The following GFRAL variants were observed in gnomAD, a reference collection of about 807,000 sequenced individuals.
The protein encoded by GFRAL is GDNF family receptor alpha-like.
Under a neutral mutation model 45.4 loss-of-function variants are expected in GFRAL, and 36 were observed. The ratio of observed to expected loss-of-function variants is 0.79; its 90% CI spans 0.61 to 1.05. The LOEUF (loss-of-function observed/expected upper bound fraction) is 1.05. Among genes scored for constraint, GFRAL ranks in the 50% least tolerant of loss-of-function variants. The pLI, the probability that GFRAL is intolerant of heterozygous loss-of-function variation, is 0.00. For missense variants in GFRAL, 507 were observed against 467.5 expected, an observed-to-expected ratio of 1.08 and a Z score of -0.78; for synonymous variants, 166 against 154.1, an observed-to-expected ratio of 1.08 and a Z score of -0.57.
chr6:55,330,304 G>T (rs1306964342), intron 1 of GFRAL, among the ~76,000 whole-genome samples: 5 of 152,080 alleles, frequency 3.3e-5, no homozygotes, highest in Non-Finnish European at 7.4e-5. Context: ...GCATCACTGT[G>T]TTTGGTGACA....
intron 6 of GFRAL, 46 bp downstream of exon 6, chr6:55,359,184 A>ATCTG (rs754788727): frequency 5.3e-6 from 8 of 1,510,502 alleles, no homozygotes; most frequent in Non-Finnish European, 7.3e-6. Context: ...CTATCTATCT[A>ATCTG]TCATCTATCT....
chr6:55,399,120 C>T, intron 6 of GFRAL, 60 bp from the exon 7 acceptor site: 1 of 819,782 alleles, frequency 1.2e-6, no homozygotes, highest in Non-Finnish European at 1.9e-6. Context: ...AAATTGTAAT[C>T]CATAAAATTA....
chr6:55,395,175 A>ATAT lies in GFRAL; in HGVS notation c.953-4005_953-4004insTAT, dbSNP rs1554136792. 7.9e-4 allele frequency among the ~76,000 whole-genome samples: 97 copies of ATAT among 123,476 alleles called. 1 individual carries two copies. Among genetic ancestry groups the ATAT allele is most frequent in the Middle Eastern group, 4.2e-3 (1 of 240 alleles). 81.0% of individuals were successfully genotyped at this position (123,476 alleles called of 152,430 possible). On this transcript the variant is annotated intron_variant, in intron 6 of 8. Coordinates refer to ENST00000340465, the MANE Select transcript of GFRAL (RefSeq NM_207410.2). The stretch of plus-strand genomic sequence containing the variant: ...AATCAGCCTATGGAAAAAAAAAAAA[A>ATAT]ATATATATATATATATATAAGCCAG...
At chr6:55,385,036 G>C (rs1581758210) in intron 6 of GFRAL, among the ~76,000 whole-genome samples, 1 of 152,128 alleles carries the variant, frequency 6.6e-6, no homozygotes, top group Middle Eastern at 3.4e-3. Context: ...TGTCACTTCT[G>C]ATGGAAAGCA....
At chr6:55,379,768 T>C (rs746609892) in intron 6 of GFRAL, among the ~76,000 whole-genome samples, 29 of 151,916 alleles carry the variant, frequency 1.9e-4, no homozygotes, top group Non-Finnish European at 2.9e-4. Flanking sequence ...AATTTTTTCT[T>C]CCTATCTAAC....
At chr6:55,348,490 T>G (rs1768073962) in intron 3 of GFRAL, among the ~76,000 whole-genome samples, 1 of 152,178 alleles carries the variant, frequency 6.6e-6, no homozygotes, top group Non-Finnish European at 1.5e-5. Context: ...AAGCAAAAAT[T>G]GTATTTTTCC....
At chr6:55,395,021 T>C (rs1047959647) in intron 6 of GFRAL, among the ~76,000 whole-genome samples, 1 of 151,890 alleles carries the variant, frequency 6.6e-6, no homozygotes, top group South Asian at 2.1e-4. Context: ...CTGATGGAGG[T>C]TCCCCATTTC....
chr6:55,363,434 C>CTT (rs36074077), intron 6 of GFRAL, among the ~76,000 whole-genome samples: 6,574 of 147,258 alleles, frequency 0.045, 203 homozygotes, highest in African/African-American at 0.074. Flanking sequence ...TAGCTTAATT[C>CTT]TTTTTTTTTT....
intron 8 of GFRAL, 123 bp downstream of exon 8, chr6:55,399,564 T>C (rs6936510): frequency 0.71 from 471,798 of 665,938 alleles, 168,697 homozygotes; most frequent in East Asian, 0.8. Flanking sequence ...TTAAGACATA[T>C]TAAATCAAGT....
chr6:55,335,895 C>CTAT (rs1554187123), intron 3 of GFRAL, among the ~76,000 whole-genome samples: 1 of 147,768 alleles, frequency 6.8e-6, no homozygotes, highest in Non-Finnish European at 1.5e-5. Flanking sequence ...ATTTCTTTGT[C>CTAT]TTTATTTTAT....
chr6:55,359,701 A>G (rs532811522), intron 6 of GFRAL, among the ~76,000 whole-genome samples: 2 of 151,968 alleles, frequency 1.3e-5, no homozygotes, highest in Non-Finnish European at 2.9e-5. Flanking sequence ...TGACATCTTC[A>G]GCAATATAGC....
chr6:55,380,146 G>A (rs1768589375), intron 6 of GFRAL, among the ~76,000 whole-genome samples: 1 of 151,914 alleles, frequency 6.6e-6, no homozygotes. Flanking sequence ...GCCCAGCAAT[G>A]GGATTGCTAG....
intron 3 of GFRAL, among the ~76,000 whole-genome samples, chr6:55,343,748 T>C (rs143336568): frequency 0.013 from 1,986 of 152,238 alleles, 23 homozygotes; most frequent in Non-Finnish European, 0.022. Context: ...AACTGGTTTT[T>C]TGAAAAGATC....
At chr6:55,338,032 T>C (rs1767913600) in intron 3 of GFRAL, among the ~76,000 whole-genome samples, 1 of 152,110 alleles carries the variant, frequency 6.6e-6, no homozygotes, top group Non-Finnish European at 1.5e-5. Flanking sequence ...TAATTTAAAT[T>C]TATGTCAAAA....
intron 6 of GFRAL, among the ~76,000 whole-genome samples, chr6:55,370,245 C>T (rs1768433394): frequency 6.6e-6 from 1 of 151,894 alleles, no homozygotes; most frequent in South Asian, 2.1e-4. Flanking sequence ...TTAAGTGTCT[C>T]TCAACATCAC....
At chr6:55,383,773 T>G (rs953972401) in intron 6 of GFRAL, among the ~76,000 whole-genome samples, 7 of 151,978 alleles carry the variant, frequency 4.6e-5, no homozygotes, top group Admixed American at 2.0e-4. Context: ...TCTAATCCAA[T>G]GGGCTTGAAA....
intron 6 of GFRAL, among the ~76,000 whole-genome samples, chr6:55,364,085 C>G (rs1275379204): frequency 6.9e-6 from 1 of 145,286 alleles, no homozygotes; most frequent in Non-Finnish European, 1.5e-5. Flanking sequence ...TTCTCCACAT[C>G]CTCTCCAGTA....
chr6:55,388,125 A>G (rs1343028094), intron 6 of GFRAL, among the ~76,000 whole-genome samples: 1 of 152,156 alleles, frequency 6.6e-6, no homozygotes, highest in East Asian at 1.9e-4. Context: ...CCCAAGCATC[A>G]ATGCACTTCA....
At chr6:55,331,382 A>G (rs1342635360) in intron 1 of GFRAL, among the ~76,000 whole-genome samples, 1 of 152,174 alleles carries the variant, frequency 6.6e-6, no homozygotes, top group Non-Finnish European at 1.5e-5. Context: ...GGTGAGATAA[A>G]GTTTAAAACC....
Sources: gnomAD v4.1 joint callset for allele counts (sites outside exome capture counted in the v4.1 genomes callset) on GRCh38, gnomAD v4.1.1 for gene constraint, MANE v1.5 for transcripts, NCBI Gene and HGNC (gene_info 2026-07-23, HGNC 2026-07-21) for gene names.